ZNF705A: variants seen among roughly 807,000 people sequenced by gnomAD.
The protein encoded by ZNF705A is zinc finger protein 705A.
Under a neutral mutation model 16.6 loss-of-function variants are expected in ZNF705A, and 8 were observed. The observed-to-expected ratio is 0.48, with a 90% CI of 0.28 to 0.87. ZNF705A has a LOEUF of 0.87. ZNF705A is among the 40% of genes least tolerant of loss of function. The probability of loss-of-function intolerance (pLI) is 0.10; values close to 1 mark genes in which losing one functional copy is unlikely to be tolerated. For synonymous variants in ZNF705A, 73 were observed against 117.3 expected (o/e 0.62, Z 2.44); for missense variants, 233 against 359.9 (o/e 0.65, Z 2.85).
intron 3 of ZNF705A, 110 bp downstream of exon 4, chr12:8,175,433 T>A (rs1948478037): frequency 7.8e-7 from 1 of 1,280,546 alleles, no homozygotes. Context: ...TTCTAAAATG[T>A]AGGTTAGGCT....
chr12:8,169,359 A>ATAATAGGAT (rs1486130684), upstream of ZNF705A, among the ~76,000 whole-genome samples: 2 of 152,210 alleles, frequency 1.3e-5, no homozygotes, highest in Non-Finnish European at 2.9e-5. Context: ...TCCTGTCAAG[A>ATAATAGGAT]TAATAGGATT....
At chr12:8,177,259 T>C (rs1565417035) in exon 5 of ZNF705A, 2 of 1,611,742 alleles carry the variant, frequency 1.2e-6, no homozygotes, top group Non-Finnish European at 1.7e-6. Flanking sequence ...ACAAGATGAC[T>C]CACACTGGAG....
chr12:8,157,961 A>G (rs1298339695), intron 1 of ZNF705A, among the ~76,000 whole-genome samples: 5 of 152,218 alleles, frequency 3.3e-5, no homozygotes, highest in South Asian at 4.1e-4. Context: ...TTGGTACACA[A>G]TTGTTTGTCA....
chr12:8,173,067 G>A (rs983027445), intron 1 of ZNF705A, among the ~76,000 whole-genome samples: 2 of 152,222 alleles, frequency 1.3e-5, no homozygotes, highest in Middle Eastern at 3.2e-3. Context: ...GAATGCAAGC[G>A]ATAGAGATGA....
intron 1 of ZNF705A, among the ~76,000 whole-genome samples, chr12:8,164,456 T>C (rs1357197073): frequency 6.6e-6 from 1 of 152,212 alleles, no homozygotes; most frequent in East Asian, 1.9e-4. Context: ...ATTGCGTATA[T>C]GTATTAGCCA....
intron 1 of ZNF705A, among the ~76,000 whole-genome samples, chr12:8,160,693 C>T (rs1336597406): frequency 6.6e-6 from 1 of 151,716 alleles, no homozygotes; most frequent in Non-Finnish European, 1.5e-5. Flanking sequence ...AGAAGCTTTG[C>T]CAAATTCTTC....
intron 1 of ZNF705A, among the ~76,000 whole-genome samples, chr12:8,162,831 G>A (rs772009269): frequency 1.3e-3 from 195 of 152,300 alleles, no homozygotes; most frequent in African/African-American, 4.6e-3. Flanking sequence ...GACTTTACTA[G>A]CACTGCTAAG....
At chr12:8,177,124 G>C (rs749238948) in exon 5 of ZNF705A, 3 of 1,611,988 alleles carry the variant, frequency 1.9e-6, no homozygotes, top group Admixed American at 3.3e-5. Context: ...TCAGCAAACA[G>C]TGTGGAAAAT....
chr12:8,160,745 C>T (rs1004970212), intron 1 of ZNF705A, among the ~76,000 whole-genome samples: 4 of 152,018 alleles, frequency 2.6e-5, no homozygotes, highest in Admixed American at 6.6e-5. Flanking sequence ...TCAGGGTTTT[C>T]GAGATAAATG....
At position 8,164,114 on chromosome 12, in the gene ZNF705A, C is replaced by T. The variant is rs1348375012; in HGVS notation, c.-72+7022C>T. Among the ~76,000 whole-genome samples the T allele has an allele frequency of 3.9e-5, 6 of 152,006 alleles. No homozygotes were observed. The South Asian group carries it at 1.3e-3, about 32-fold the overall frequency. On this transcript the variant is annotated intron_variant, in intron 1 of 5. Coordinates refer to the ZNF705A transcript ENST00000396570. ...ATATTGGTAAGAATACAAAATCTAC[C>T]CTTTTAGCAAATTTTAAGTATGCAA...
chr12:8,161,384 G>A, intron 1 of ZNF705A, among the ~76,000 whole-genome samples: 1 of 152,048 alleles, frequency 6.6e-6, no homozygotes, highest in Non-Finnish European at 1.5e-5. Flanking sequence ...ATTGGTACCA[G>A]TTCTTTTTTG....
At chr12:8,169,207 C>T (rs1191161031), upstream of ZNF705A, among the ~76,000 whole-genome samples, 2 of 152,128 alleles carry the variant, frequency 1.3e-5, no homozygotes, top group Non-Finnish European at 2.9e-5. Context: ...GTTCATTATG[C>T]ACTTTAAAAA....
At chr12:8,169,140 CT>C (rs1159121000), upstream of ZNF705A, among the ~76,000 whole-genome samples, 1 of 151,962 alleles carries the variant, frequency 6.6e-6, no homozygotes, top group East Asian at 1.9e-4. Context: ...TTGCATATTC[CT>C]TTTTTTAAAA....
At chr12:8,160,774 G>A (rs7301964) in intron 1 of ZNF705A, among the ~76,000 whole-genome samples, 74,817 of 151,796 alleles carry the variant, frequency 0.49, 18,811 homozygotes, top group South Asian at 0.6. Flanking sequence ...ATCAGCAAAC[G>A]GTGACAGCTG....
chr12:8,179,023 T>C (rs1161020716), exon 5 of ZNF705A: 2 of 152,222 alleles, frequency 1.3e-5, no homozygotes, highest in Non-Finnish European at 2.9e-5. Flanking sequence ...TGTCATTGCA[T>C]AGATTTAGCA....
chr12:8,166,447 G>A (rs191886486), intron 1 of ZNF705A, among the ~76,000 whole-genome samples: 210 of 152,284 alleles, frequency 1.4e-3, no homozygotes, highest in Non-Finnish European at 2.3e-3. Context: ...TGCTGTTCTC[G>A]TGGTAGTGAA....
At chr12:8,159,525 A>G (rs1156232753) in intron 1 of ZNF705A, among the ~76,000 whole-genome samples, 1 of 151,962 alleles carries the variant, frequency 6.6e-6, no homozygotes, top group African/African-American at 2.4e-5. Flanking sequence ...GTCGTATCAC[A>G]CTGTGGTTTT....
At chr12:8,172,627 T>C (rs746982931) in exon 1 of ZNF705A, 1 of 1,596,498 alleles carries the variant, frequency 6.3e-7, no homozygotes, top group South Asian at 1.1e-5. Flanking sequence ...TTCCGGACAA[T>C]GCATTCACTA....
chr12:8,171,829 C>T (rs1377051822), upstream of ZNF705A, among the ~76,000 whole-genome samples: 6 of 151,990 alleles, frequency 3.9e-5, no homozygotes, highest in Non-Finnish European at 7.4e-5. Context: ...CTCTGCCTCC[C>T]GGGTTCAAGA....
Sources: gnomAD v4.1 joint callset for allele counts (sites outside exome capture counted in the v4.1 genomes callset) on GRCh38, gnomAD v4.1.1 for gene constraint, MANE v1.5 for transcripts, NCBI Gene and HGNC (gene_info 2026-07-23, HGNC 2026-07-21) for gene names.